The following CIART variants were observed in gnomAD, a reference collection of about 807,000 sequenced individuals.
The protein encoded by CIART is circadian-associated transcriptional repressor.
CIART carries 7 observed loss-of-function variants against 22.1 expected under a neutral mutation model. The ratio of observed to expected loss-of-function variants is 0.32; its 90% CI spans 0.18 to 0.59. The LOEUF (loss-of-function observed/expected upper bound fraction) is 0.59. CIART is among the 20% of genes least tolerant of loss of function. The probability of loss-of-function intolerance (pLI) is 0.86; values close to 1 mark genes in which losing one functional copy is unlikely to be tolerated. For synonymous variants in CIART, 163 were observed against 174.6 expected, an observed-to-expected ratio of 0.93 and a Z score of 0.53; for missense variants, 440 against 478.0, an observed-to-expected ratio of 0.92 and a Z score of 0.74.
Position 150,283,359 on chromosome 1 carries a change from C to A in CIART, c.92C>A (p.Pro31His). The A allele has an allele frequency of 6.3e-7, 1 of 1,588,614 alleles. No individual in the cohort carries two copies. The highest frequency in any genetic ancestry group is 1.1e-5 in the South Asian group (1 of 88,072). ...TSPVNSDFGF[P>H]SDSEREDKGA... Reference sequence around the variant, plus strand: ...CCAGTGAACAGTGACTTTGGCTTCCCCTCTGATAGTGAGAGGGAGGACAAG... The same window carrying A: ...CCAGTGAACAGTGACTTTGGCTTCCACTCTGATAGTGAGAGGGAGGACAAG... The change falls in exon 1 of 5, where the codon CCC (proline) becomes CAC (histidine). Residue 31 changes from proline (P) to histidine (H), a missense_variant. Transcript: ENST00000290363.
In CIART at chr1:150,283,136, T is replaced by G. The variant is rs1653244425; in HGVS notation, c.-132T>G. ...GGAGAACAAGTATTATCCCACGCAGTACACCCCAATCTCCCAGTTCATTTC... is the reference window on the plus strand; with the variant it reads ...GGAGAACAAGTATTATCCCACGCAGGACACCCCAATCTCCCAGTTCATTTC... On this transcript the variant is annotated 5_prime_UTR_variant, in exon 1 of 5. Coordinates refer to ENST00000290363, the MANE Select transcript of CIART (RefSeq NM_144697.4). 1.0e-6 allele frequency: 1 copy of G among 960,434 alleles called. No individual in the cohort carries two copies. 59.5% of individuals were successfully genotyped at this position (960,434 alleles called of 1,614,324 possible).
intron 2 of CIART, 121 bp from the exon 3 acceptor site, chr1:150,284,305 C>A: frequency 1.1e-6 from 1 of 951,396 alleles, no homozygotes; most frequent in Non-Finnish European, 1.7e-6. Flanking sequence ...AGGCGTAAGC[C>A]ACCTTGCCTG....
In CIART at chr1:150,283,389, C is replaced by A; in HGVS notation, c.122C>A (p.Ala41Asp). 1.9e-6 allele frequency: 3 copies of A among 1,610,314 alleles called. No individual in the cohort carries two copies. Among genetic ancestry groups the A allele is most frequent in the Non-Finnish European group, 2.5e-6 (3 of 1,177,774 alleles). ...PSDSEREDKG[A>D]HGPRPDTVGQ... is the part of the protein sequence containing the mutation. ...GATAGTGAGAGGGAGGACAAGGGGG[C>A]CCATGGGCCCAGGCCAGACACTGTT... The change falls in exon 1 of 5, where the codon GCC (alanine) becomes GAC (aspartate). Residue 41 changes from alanine (A) to aspartate (D), a missense_variant. Physicochemically the swap from Ala to Asp is moderately radical, Grantham distance 126. Coordinates refer to ENST00000290363, the MANE Select transcript of CIART (RefSeq NM_144697.4).
intron 1 of CIART, 28 bp downstream of exon 1, chr1:150,283,661 C>G (rs1553854040): frequency 1.9e-6 from 3 of 1,609,662 alleles, no homozygotes; most frequent in African/African-American, 1.3e-5. Flanking sequence ...AAAGGAGATT[C>G]TCCTGGAGTG....
In CIART at chr1:150,286,643, C is replaced by G. The variant is rs962238938; in HGVS notation, c.847C>G (p.Pro283Ala). 4 of 1,613,726 alleles carry G rather than the reference C, an allele frequency of 2.5e-6. No homozygotes were observed. The highest frequency in any genetic ancestry group is 3.4e-6 in the Non-Finnish European group (4 of 1,179,708). Reference sequence around the variant, plus strand: ...AGGTACTATCTCCTTTAGCCATGGTCCTTTAGGCACTGGAACCGGCATTGG... The same window carrying G: ...AGGTACTATCTCCTTTAGCCATGGTGCTTTAGGCACTGGAACCGGCATTGG... The part of the protein sequence containing the change: ...SPGTISFSHG[P>A]LGTGTGIGVI... Residue 283 changes from proline (P) to alanine (A), a missense_variant, in exon 5 of 5, where the codon CCT becomes GCT. Pro to Ala is a conservative substitution (Grantham distance 27). Coordinates refer to ENST00000290363, the MANE Select transcript of CIART (RefSeq NM_144697.4).
intron 2 of CIART, 116 bp downstream of exon 2, chr1:150,283,996 CTA>C: frequency 1.7e-6 from 1 of 594,186 alleles, no homozygotes. Flanking sequence ...TTTTTTGCTA[CTA>C]TGACTTTATT....
At position 150,283,576 on chromosome 1, in the gene CIART, G is replaced by C; in HGVS notation, c.309G>C (p.Glu103Asp). 1 of 1,614,108 alleles carries C rather than the reference G, an allele frequency of 6.2e-7. No homozygotes were observed. Among genetic ancestry groups the C allele is most frequent in the Non-Finnish European group, 8.5e-7 (1 of 1,179,916 alleles). ...AAAGATCAAGAGATGGTGAACTGGA[G>C]ACCAGTCTAAACACCCAAGGTTGTA... ...GAKRSRDGEL[E>D]TSLNTQGCTT... The change falls in exon 1 of 5, where the codon GAG (glutamate) becomes GAC (aspartate). Residue 103 changes from glutamate to aspartate, a missense_variant. Glu to Asp is a conservative substitution (Grantham distance 45, BLOSUM62 2). Transcript: ENST00000290363.
At chr1:150,284,142 C>T (rs2101891126) in intron 2 of CIART, among the ~76,000 whole-genome samples, 1 of 152,080 alleles carries the variant, frequency 6.6e-6, no homozygotes, top group Non-Finnish European at 1.5e-5. Flanking sequence ...CTCAGCCTCC[C>T]CAGTCGCTGG....
At chr1:150,284,873 TTTG>T (rs3054391) in intron 4 of CIART, 165 bp downstream of exon 4, 364 of 559,218 alleles carry the variant, frequency 6.5e-4, no homozygotes, top group East Asian at 1.0e-3. Context: ...TCCTACATGT[TTTG>T]TTGTTGTTGT....
In CIART at chr1:150,286,645, T is replaced by C. The variant is rs1553854713; in HGVS notation, c.849T>C (p.Pro283=). The change falls in exon 5 of 5, where the codon CCT becomes CCC. Residue 283 remains proline, a synonymous_variant. Transcript: ENST00000290363. ...SPGTISFSHG[P]LGTGTGIGVI... ...GTACTATCTCCTTTAGCCATGGTCC[T>C]TTAGGCACTGGAACCGGCATTGGCG... The C allele has an allele frequency of 1.2e-6, 2 of 1,613,916 alleles. No individual in the cohort carries two copies. The highest frequency in any genetic ancestry group is 4.5e-5 in the East Asian group (2 of 44,894).
chr1:150,283,950 T>G, intron 2 of CIART, 70 bp downstream of exon 2: 1 of 1,207,186 alleles, frequency 8.3e-7, no homozygotes, highest in South Asian at 1.3e-5. Flanking sequence ...TGACGTGTAT[T>G]TCTCTGAAGT....
At position 150,283,177 on chromosome 1, in the gene CIART, T is replaced by C. The variant is rs2147324; in HGVS notation, c.-91T>C. 739,444 of 1,330,742 alleles carry C rather than the reference T, an allele frequency of 0.56. 211,540 individuals are homozygous for C. The highest frequency in any genetic ancestry group is 0.83 in the African/African-American group (56,272 of 67,592). The allele number at this position is 1,330,742 out of a possible 1,614,324, so 82.4% of individuals were successfully genotyped here. On this transcript the variant is annotated 5_prime_UTR_variant, in exon 1 of 5. Transcript: ENST00000290363. ...AGTTCATTTCCTAATCCTTAAACTC[T>C]GGTTTCAAACTCCCTCGCTTTGCTC...
chr1:150,287,026 T>C lies in CIART; in HGVS notation c.*72T>C. On this transcript the variant is annotated 3_prime_UTR_variant, in exon 5 of 5. Coordinates refer to ENST00000290363, the MANE Select transcript of CIART (RefSeq NM_144697.4). ...TTTATGTATATATGTATTTTTACTATTAATGTGTGCATTTGTGTTGAGGGA... is the reference window on the plus strand; with the variant it reads ...TTTATGTATATATGTATTTTTACTACTAATGTGTGCATTTGTGTTGAGGGA... 7.4e-7 allele frequency: 1 copy of C among 1,347,660 alleles called. No homozygotes were observed. The highest frequency in any genetic ancestry group is 1.6e-5 in the South Asian group (1 of 61,308). 83.5% of individuals were successfully genotyped at this position (1,347,660 alleles called of 1,614,324 possible). A position where few individuals can be genotyped will look rare whatever the true frequency, so the allele number is the denominator to read the frequency against.
Position 150,283,261 on chromosome 1 carries a change from T to A in CIART, c.-7T>A, listed in dbSNP as rs368449355. 6.6e-7 allele frequency: 1 copy of A among 1,515,518 alleles called. No homozygotes were observed. The highest frequency in any genetic ancestry group is 8.8e-7 in the Non-Finnish European group (1 of 1,132,820). 93.9% of individuals were successfully genotyped at this position (1,515,518 alleles called of 1,614,324 possible). A position where few individuals can be genotyped will look rare whatever the true frequency, so the allele number is the denominator to read the frequency against. ...GGAGCTGTTCTATAGCCCCTGCTTC[T>A]GGACCTATGGATTCTCCATCTAGCG... On this transcript the variant is annotated 5_prime_UTR_variant, in exon 1 of 5. Transcript: ENST00000290363.
chr1:150,282,557 T>G lies in CIART; in HGVS notation c.-711T>G. ...ACTGAGAGAGGCGGAGGTGGGTAGA[T>G]AGACCCGGAGAGACGGCGAAGGAGC... On this transcript the variant is annotated 5_prime_UTR_variant, in exon 1 of 5. Coordinates refer to ENST00000290363, the MANE Select transcript of CIART (RefSeq NM_144697.4). 3 of 151,382 alleles carry G rather than the reference T, an allele frequency of 2.0e-5. No individual in the cohort carries two copies. The highest frequency in any genetic ancestry group is 2.1e-4 in the South Asian group (1 of 4,794). The allele number at this position is 151,382 out of a possible 1,614,324, so 9.4% of individuals were successfully genotyped here. A position where few individuals can be genotyped will look rare whatever the true frequency, so the allele number is the denominator to read the frequency against.
intron 4 of CIART, among the ~76,000 whole-genome samples, chr1:150,285,844 C>T (rs1412106985): frequency 6.6e-6 from 1 of 152,036 alleles, no homozygotes; most frequent in Non-Finnish European, 1.5e-5. Context: ...GGCATGGTGG[C>T]GTGCACCTGT....
At position 150,283,281 on chromosome 1, in the gene CIART, C is replaced by G. The variant is rs781906127; in HGVS notation, c.14C>G (p.Ser5Cys). 6 of 1,521,120 alleles carry G rather than the reference C, an allele frequency of 3.9e-6. No individual in the cohort carries two copies. The South Asian group carries it at 8.0e-5, about 20-fold the overall frequency. The allele number at this position is 1,521,120 out of a possible 1,614,324, so 94.2% of individuals were successfully genotyped here. MDSPSSVSSYSSYSL... is the reference protein window; with the variant it reads MDSPCSVSSYSSYSL... ...GCTTCTGGACCTATGGATTCTCCAT[C>G]TAGCGTTTCTTCCTATTCCTCCTAC... The change falls in exon 1 of 5, where the codon TCT becomes TGT. Residue 5 changes from serine (S) to cysteine (C), a missense_variant. Physicochemically the swap from Ser to Cys is moderately radical, Grantham distance 112. Transcript: ENST00000290363.
chr1:150,286,964 TACA>T lies in CIART; in HGVS notation c.*11_*13del. ...TCTTCTCAACCTCTAGCCCAGGGCA[TACA>T]GCTGTCCACTGTGACTTCTAATTTG... is the stretch of plus-strand genomic sequence containing the variant. On this transcript the variant is annotated 3_prime_UTR_variant, in exon 5 of 5. Transcript: ENST00000290363. 2 of 1,536,822 alleles carry T rather than the reference TACA, an allele frequency of 1.3e-6. No individual in the cohort carries two copies. The highest frequency in any genetic ancestry group is 1.8e-6 in the Non-Finnish European group (2 of 1,139,370).
At position 150,283,134 on chromosome 1, in the gene CIART, A is replaced by G. The variant is rs1553853835; in HGVS notation, c.-134A>G. 3 of 908,364 alleles carry G rather than the reference A, an allele frequency of 3.3e-6. No individual in the cohort carries two copies. The African/African-American group carries it at 5.1e-5, about 15-fold the overall frequency. 56.3% of individuals were successfully genotyped at this position (908,364 alleles called of 1,614,324 possible). A position where few individuals can be genotyped will look rare whatever the true frequency, so the allele number is the denominator to read the frequency against. ...GGGGAGAACAAGTATTATCCCACGC[A>G]GTACACCCCAATCTCCCAGTTCATT... On this transcript the variant is annotated 5_prime_UTR_variant, in exon 1 of 5. Coordinates refer to ENST00000290363, the MANE Select transcript of CIART (RefSeq NM_144697.4).
Sources: gnomAD v4.1 joint callset for allele counts (sites outside exome capture counted in the v4.1 genomes callset) on GRCh38, gnomAD v4.1.1 for gene constraint, MANE v1.5 for transcripts, NCBI Gene and HGNC (gene_info 2026-07-23, HGNC 2026-07-21) for gene names.